The following RGS12 variants were observed in gnomAD, a reference collection of about 807,000 sequenced individuals.
RGS12 encodes the protein regulator of G-protein signaling 12.
RGS12 carries 66 observed loss-of-function variants against 120.1 expected under a neutral mutation model. The ratio of observed to expected loss-of-function variants is 0.55; its 90% CI spans 0.45 to 0.67. The LOEUF is 0.67. RGS12 is among the 30% of genes least tolerant of loss of function. The probability of loss-of-function intolerance (pLI) is 0.00; values close to 1 mark genes in which losing one functional copy is unlikely to be tolerated. For synonymous variants in RGS12, 827 were observed against 804.7 expected (o/e 1.03, Z -0.47); for missense variants, 1,859 against 1,957.7 (o/e 0.95, Z 0.95).
chr4:3,322,569 T>G (rs1204938031), intron 2 of RGS12, among the ~76,000 whole-genome samples: 4 of 152,190 alleles, frequency 2.6e-5, no homozygotes, highest in African/African-American at 9.7e-5. Flanking sequence ...CTCTGCAAAC[T>G]GACTCAAAGT....
At chr4:3,395,340 T>C (rs2109011678) in intron 4 of RGS12, among the ~76,000 whole-genome samples, 1 of 152,336 alleles carries the variant, frequency 6.6e-6, no homozygotes, top group South Asian at 2.1e-4. Flanking sequence ...GGACTGTCCA[T>C]GGTGCAAATA....
chr4:3,356,277 A>G lies in RGS12; in HGVS notation c.1998+13224A>G, dbSNP rs1188888965. Among the ~76,000 whole-genome samples the G allele has an allele frequency of 2.0e-5, 3 of 151,294 alleles. No individual in the cohort carries two copies. In the East Asian group the frequency reaches 5.8e-4, roughly 29 times the overall value. ...ACCATCTTGTCCAGGATGGTCTCAAACTCCTGAGCTCAAGTGATCCACCTG... is the reference window on the plus strand; with the variant it reads ...ACCATCTTGTCCAGGATGGTCTCAAGCTCCTGAGCTCAAGTGATCCACCTG... On this transcript the variant is annotated intron_variant, in intron 3 of 17. Coordinates refer to ENST00000336727, the MANE Select transcript of RGS12 (RefSeq NM_001394154.1).
At chr4:3,416,243 A>G in intron 7 of RGS12, 122 bp downstream of exon 7, 1 of 1,118,930 alleles carries the variant, frequency 8.9e-7, no homozygotes, top group South Asian at 1.6e-5. Flanking sequence ...AGACGCAGGT[A>G]GAGAAACGCA....
chr4:3,313,510 C>T (rs1392836660), intron 1 of RGS12, among the ~76,000 whole-genome samples: 2 of 152,162 alleles, frequency 1.3e-5, no homozygotes, highest in African/African-American at 4.8e-5. Context: ...TATTTGTTTC[C>T]TGGGGTTGCT....
chr4:3,407,207 G>A (rs1730769), intron 4 of RGS12: 34,257 of 152,194 alleles, frequency 0.23, 4,833 homozygotes, highest in East Asian at 0.49. Flanking sequence ...AGCTGTGCTC[G>A]GCCCGCCTTC....
intron 1 of RGS12, among the ~76,000 whole-genome samples, chr4:3,309,325 G>GCA (rs1724165307): frequency 7.5e-6 from 1 of 133,264 alleles, no homozygotes; most frequent in Non-Finnish European, 1.6e-5. Context: ...AGAACCGGGT[G>GCA]GGAGAGGAGC....
chr4:3,351,421 AT>A (rs1392647304), intron 3 of RGS12, among the ~76,000 whole-genome samples: 1 of 151,822 alleles, frequency 6.6e-6, no homozygotes, highest in African/African-American at 2.4e-5. Flanking sequence ...TAGAATATCG[AT>A]TTTTCAATTA....
chr4:3,374,740 C>T lies in RGS12; in HGVS notation c.1999-11676C>T, dbSNP rs1294607175. Among the ~76,000 whole-genome samples, 1 of 152,050 alleles carries T rather than the reference C, an allele frequency of 6.6e-6. No homozygotes were observed. The highest frequency in any genetic ancestry group is 1.5e-5 in the Non-Finnish European group (1 of 67,996). On this transcript the variant is annotated intron_variant, in intron 3 of 17. Coordinates refer to ENST00000336727, the MANE Select transcript of RGS12 (RefSeq NM_001394154.1). This position sits in a 1 kb window ranked among gnomAD's most constrained non-coding sequence, Gnocchi z 6.3. ...CCCATTGCTGCAGCCTGCCCTCGTC[C>T]CCATCTCTTGCCTGGAGCACCACAG... is the stretch of plus-strand genomic sequence containing the variant.
rs1723255031 is a variant in RGS12, at chr4:3,423,457, C to T, written c.3108-58C>T. ...CTGTGCTGTAGTTCTGCTCGTGAGA[C>T]TGATCTCCTAATGAGGGCTGACATG... On this transcript the variant is annotated intron_variant, in intron 12 of 17. Transcript: ENST00000336727. 4 of 1,602,424 alleles carry T rather than the reference C, an allele frequency of 2.5e-6. No individual in the cohort carries two copies. In the Admixed American group the frequency reaches 6.7e-5, roughly 27 times the overall value.
intron 4 of RGS12, among the ~76,000 whole-genome samples, chr4:3,403,180 T>C (rs1055828936): frequency 3.9e-5 from 6 of 152,222 alleles, no homozygotes; most frequent in Non-Finnish European, 8.8e-5. Context: ...ACTTCAGACG[T>C]AGAGAGTTTG....
intron 8 of RGS12, 57 bp downstream of exon 8, chr4:3,417,149 G>T: frequency 6.6e-7 from 1 of 1,504,664 alleles, no homozygotes; most frequent in Non-Finnish European, 8.9e-7. Flanking sequence ...TCAGCTGAGA[G>T]CTGTTCTGTG....
intron 2 of RGS12, among the ~76,000 whole-genome samples, chr4:3,335,866 G>A (rs775316093): frequency 1.1e-4 from 16 of 152,092 alleles, no homozygotes; most frequent in Non-Finnish European, 1.8e-4. Context: ...AAGGCAGGCC[G>A]ATCATTTGAG....
chr4:3,312,072 G>A (rs1306092622), intron 1 of RGS12, among the ~76,000 whole-genome samples: 1 of 152,124 alleles, frequency 6.6e-6, no homozygotes, highest in East Asian at 1.9e-4. Context: ...TCCTGGCCTT[G>A]CCCCAGACTT....
chr4:3,414,680 C>A, intron 5 of RGS12, 72 bp from the exon 6 acceptor site: 1 of 1,109,042 alleles, frequency 9.0e-7, no homozygotes, highest in Non-Finnish European at 1.4e-6. Context: ...CCCGTGGTTT[C>A]TGTAGAAGGG....
At position 3,372,486 on chromosome 4, in the gene RGS12, C is replaced by T. The variant is rs913301657; in HGVS notation, c.1999-13930C>T. On this transcript the variant is annotated intron_variant, in intron 3 of 17. Transcript: ENST00000336727. The surrounding 1 kb of genome is among the most constrained non-coding windows in gnomAD (Gnocchi z 4.3). The stretch of plus-strand genomic sequence containing the variant: ...GTCGCGGAGCCGCCCGAGCTGTTGG[C>T]TTCCCCGATGTTCCCCCTGTGCTCG... Among the ~76,000 whole-genome samples, 4 of 152,240 alleles carry T rather than the reference C, an allele frequency of 2.6e-5. No individual in the cohort carries two copies. The highest frequency in any genetic ancestry group is 7.2e-5 in the African/African-American group (3 of 41,470).
upstream of RGS12, among the ~76,000 whole-genome samples, chr4:3,290,448 T>C (rs1460742408): frequency 6.6e-6 from 1 of 152,090 alleles, no homozygotes; most frequent in Non-Finnish European, 1.5e-5. Context: ...AAGAACCTCC[T>C]ATAAGTGGAA....
intron 13 of RGS12, among the ~76,000 whole-genome samples, chr4:3,425,018 G>A (rs946292525): frequency 6.6e-6 from 1 of 152,236 alleles, no homozygotes; most frequent in African/African-American, 2.4e-5. Flanking sequence ...CCAGAGGAGA[G>A]CTCTGATGCA....
intron 16 of RGS12, among the ~76,000 whole-genome samples, chr4:3,429,276 C>G (rs1238181643): frequency 6.6e-6 from 1 of 152,204 alleles, no homozygotes; most frequent in Non-Finnish European, 1.5e-5. Flanking sequence ...TCTTGAAGCT[C>G]CTTTTTCTCC....
At chr4:3,375,412 G>GC (rs754296093) in intron 3 of RGS12, among the ~76,000 whole-genome samples, 7 of 62,716 alleles carry the variant, frequency 1.1e-4, no homozygotes, top group Non-Finnish European at 1.8e-4. Flanking sequence ...CTCATCTCCA[G>GC]CCTCATCTCC....
Sources: allele counts gnomAD v4.1 joint callset (sites outside exome capture counted in the v4.1 genomes callset), GRCh38; gene constraint gnomAD v4.1.1; non-coding constraint Gnocchi (gnomAD v3.1); transcripts MANE v1.5; gene names NCBI Gene and HGNC (gene_info 2026-07-23, HGNC 2026-07-21).